Variants in JHY observed in about 807,000 individuals in gnomAD.
JHY encodes the protein jhy protein homolog.
Under a neutral mutation model 78.0 loss-of-function variants are expected in JHY, and 69 were observed. The ratio of observed to expected loss-of-function variants is 0.88; its 90% CI spans 0.73 to 1.08. JHY has a LOEUF of 1.08. Among genes scored for constraint, JHY ranks in the 50% least tolerant of loss-of-function variants. The pLI, the probability that JHY is intolerant of heterozygous loss-of-function variation, is 0.00. For synonymous variants in JHY, 368 were observed against 342.6 expected (o/e 1.07, Z -0.82); for missense variants, 944 against 927.8 (o/e 1.02, Z -0.23).
At chr11:122,940,022 T>G (rs1208354475) in intron 5 of JHY, among the ~76,000 whole-genome samples, 1 of 150,720 alleles carries the variant, frequency 6.6e-6, no homozygotes, top group Non-Finnish European at 1.5e-5. Flanking sequence ...ATTTACTTTT[T>G]GTCCCTTTAA....
chr11:122,915,173 C>G (rs1863209567), intron 3 of JHY, among the ~76,000 whole-genome samples: 1 of 152,156 alleles, frequency 6.6e-6, no homozygotes, highest in African/African-American at 2.4e-5. Flanking sequence ...TCTATGCTGA[C>G]TTACACAGGT....
rs188302102 is a variant in JHY at position 122,952,906 on chromosome 11, G to C, written c.1930-3590G>C. Among the ~76,000 whole-genome samples the C allele has an allele frequency of 2.1e-4, 32 of 152,288 alleles. 1 individual carries two copies. In the Middle Eastern group the frequency reaches 0.014, roughly 65 times the overall value. On this transcript the variant is annotated intron_variant, in intron 6 of 8. Coordinates refer to ENST00000227349, the MANE Select transcript of JHY (RefSeq NM_024806.4). ...ACAACCATACAGATGGCATACGTGA[G>C]AGAAAGAACAAATTTGCAATTGTGA...
At chr11:122,887,822 T>A (rs1305649009) in intron 2 of JHY, among the ~76,000 whole-genome samples, 1 of 151,768 alleles carries the variant, frequency 6.6e-6, no homozygotes, top group Non-Finnish European at 1.5e-5. Flanking sequence ...TGAGTAGGGG[T>A]CTGATTATAA....
rs1390445329 is a variant in JHY, at chr11:122,958,003, G to A, written c.2139+512G>A. On this transcript the variant is annotated intron_variant, in intron 8 of 8. Transcript: ENST00000227349. ...GTATCATTAAATAAGCTTTAAGGCA[G>A]TTGTTGTCTTCTTGCTGCTTATATG... Among the ~76,000 whole-genome samples, 2 of 152,140 alleles carry A rather than the reference G, an allele frequency of 1.3e-5. 1 individual carries two copies. Among genetic ancestry groups the A allele is most frequent in the Non-Finnish European group, 2.9e-5 (2 of 68,020 alleles).
At chr11:122,886,543 T>C (rs545504354) in intron 2 of JHY, among the ~76,000 whole-genome samples, 1 of 152,322 alleles carries the variant, frequency 6.6e-6, no homozygotes, top group East Asian at 1.9e-4. Flanking sequence ...GGTCCAGGCG[T>C]TGCTGTTTAG....
Position 122,927,865 on chromosome 11 carries a change from G to T in JHY, c.978+2855G>T, listed in dbSNP as rs188774082. The stretch of plus-strand genomic sequence containing the variant: ...CCTGTCTCAGCCTCCTGAGTAGCTG[G>T]GATTACAGGCACCCACCACCACGCC... On this transcript the variant is annotated intron_variant, in intron 4 of 8. Transcript: ENST00000227349. Among the ~76,000 whole-genome samples the T allele has an allele frequency of 2.5e-3, 384 of 151,886 alleles. 2 individuals are homozygous for T. The highest frequency in any genetic ancestry group is 4.6e-3 in the Non-Finnish European group (311 of 67,948).
chr11:122,907,911 G>C (rs951019776), intron 3 of JHY, among the ~76,000 whole-genome samples: 9 of 150,640 alleles, frequency 6.0e-5, no homozygotes, highest in African/African-American at 2.2e-4. Flanking sequence ...CTGAGCAACA[G>C]TTTTTCTTTT....
At chr11:122,951,438 TAAG>T (rs900237119) in intron 6 of JHY, among the ~76,000 whole-genome samples, 4 of 152,246 alleles carry the variant, frequency 2.6e-5, no homozygotes, top group African/African-American at 9.6e-5. Context: ...TGACTGCTTC[TAAG>T]AAGGGGTTTA....
intron 3 of JHY, among the ~76,000 whole-genome samples, chr11:122,915,753 A>G (rs1863220987): frequency 6.6e-6 from 1 of 152,098 alleles, no homozygotes; most frequent in Admixed American, 6.6e-5. Context: ...ACTTCAAGTG[A>G]TCCACCCGCC....
In JHY at chr11:122,959,963, G is replaced by A. The variant is rs1487736571; in HGVS notation, c.*518G>A. On this transcript the variant is annotated 3_prime_UTR_variant, in exon 9 of 9. Coordinates refer to ENST00000227349, the MANE Select transcript of JHY (RefSeq NM_024806.4). ...ATATATTAAGTTGAGGCCGGGCACAGTGGCTCACGCCTGTAATCCCAGCAC... is the reference window on the plus strand; with the variant it reads ...ATATATTAAGTTGAGGCCGGGCACAATGGCTCACGCCTGTAATCCCAGCAC... Among the ~76,000 whole-genome samples the A allele has an allele frequency of 2.0e-5, 3 of 152,224 alleles. No individual in the cohort carries two copies. In the East Asian group the frequency reaches 5.8e-4, roughly 29 times the overall value.
chr11:122,900,342 C>T (rs1862824579), intron 2 of JHY, among the ~76,000 whole-genome samples: 1 of 152,098 alleles, frequency 6.6e-6, no homozygotes, highest in South Asian at 2.1e-4. Context: ...GTTTACCCAG[C>T]ATACAATTAT....
chr11:122,920,718 C>T (rs1439997384), intron 3 of JHY, among the ~76,000 whole-genome samples: 1 of 152,170 alleles, frequency 6.6e-6, no homozygotes, highest in Non-Finnish European at 1.5e-5. Flanking sequence ...TTTTTAATGG[C>T]TCTAGACCCA....
chr11:122,921,348 A>C (rs1037788090), intron 3 of JHY, among the ~76,000 whole-genome samples: 17 of 152,214 alleles, frequency 1.1e-4, no homozygotes, highest in Admixed American at 5.9e-4. Context: ...ACACTTACAA[A>C]AGTCAGGGAA....
intron 5 of JHY, among the ~76,000 whole-genome samples, chr11:122,942,743 G>GCTTA (rs1317405558): frequency 6.6e-6 from 1 of 152,112 alleles, no homozygotes; most frequent in African/African-American, 2.4e-5. Flanking sequence ...TGTTTTAAAT[G>GCTTA]CTTAGCTCAT....
At position 122,958,175 on chromosome 11, in the gene JHY, A is replaced by G. The variant is rs374441170; in HGVS notation, c.2139+684A>G. ...TCCCTCTCAGATGGCATCAACCATC[A>G]GTTGTGATGTGAATGAAATATGTAC... On this transcript the variant is annotated intron_variant, in intron 8 of 8. Transcript: ENST00000227349. Among the ~76,000 whole-genome samples, 17 of 152,328 alleles carry G rather than the reference A, an allele frequency of 1.1e-4. No homozygotes were observed. In the East Asian group the frequency reaches 2.7e-3, roughly 24 times the overall value.
rs1435116427 is a variant in JHY, at chr11:122,904,289, G to A, written c.709G>A (p.Glu237Lys). 6.2e-7 allele frequency: 1 copy of A among 1,614,112 alleles called. No individual in the cohort carries two copies. The highest frequency in any genetic ancestry group is 8.5e-7 in the Non-Finnish European group (1 of 1,180,012). ...CGTGAAGAGCTCAAGTTCACATAAC[G>A]AGGTTTTCCTGCCGGGATCACGTGG... ...PYVKSSSSHN[E>K]VFLPGSRGPR... Residue 237 changes from glutamate (E) to lysine (K), a missense_variant, in exon 3 of 9, where the codon GAG (glutamate) becomes AAG (lysine). Coordinates refer to ENST00000227349, the MANE Select transcript of JHY (RefSeq NM_024806.4).
rs1465539189 is a variant in JHY, at chr11:122,934,802, C to G, written c.1361C>G (p.Ser454Cys). ...PPKQAFDKVL[S>C]KNSTGCDSGL... ...AAACAGGCTTTTGACAAGGTCTTAT[C>G]TAAAAACTCTACTGGATGTGACTCT... The change falls in exon 5 of 9, where the codon TCT (serine) becomes TGT (cysteine). Residue 454 changes from serine (S) to cysteine (C), a missense_variant. Ser to Cys is a moderately radical substitution (Grantham distance 112). Coordinates refer to ENST00000227349, the MANE Select transcript of JHY (RefSeq NM_024806.4). The G allele has an allele frequency of 3.7e-6, 6 of 1,614,136 alleles. No homozygotes were observed. Among genetic ancestry groups the G allele is most frequent in the Admixed American group, 3.3e-5 (2 of 60,020 alleles).
At chr11:122,903,650 A>T (rs3107629) in intron 2 of JHY, among the ~76,000 whole-genome samples, 143,788 of 152,064 alleles carry the variant, frequency 0.95, 68,058 homozygotes, top group Middle Eastern at 0.98. Flanking sequence ...CTAATTTTTT[A>T]AAAAAATTTG....
rs764096581 is a variant in JHY, at chr11:122,946,550, T to C, written c.1687T>C (p.Trp563Arg). 1.4e-5 allele frequency: 22 copies of C among 1,613,296 alleles called. No individual in the cohort carries two copies. In the Middle Eastern group the frequency reaches 1.5e-3, roughly 109 times the overall value. ...SQTVRASPDS[W>R]LTQIMEQHQQ... ...GACGGTTAGAGCTTCTCCAGATTCA[T>C]GGCTCACCCAGATAATGGAGCAGCA... is the stretch of plus-strand genomic sequence containing the variant. Residue 563 changes from tryptophan (W) to arginine (R), a missense_variant, in exon 6 of 9, where the codon TGG (tryptophan) becomes CGG (arginine). Trp to Arg is a moderately radical substitution (Grantham distance 101, BLOSUM62 -3). Coordinates refer to ENST00000227349, the MANE Select transcript of JHY (RefSeq NM_024806.4).
Sources: allele counts gnomAD v4.1 joint callset (sites outside exome capture counted in the v4.1 genomes callset), GRCh38; gene constraint gnomAD v4.1.1; transcripts MANE v1.5; gene names NCBI Gene and HGNC (gene_info 2026-07-23, HGNC 2026-07-21).